Variants in TRPC4 observed in about 807,000 individuals in gnomAD.
The protein encoded by TRPC4 is short transient receptor potential channel 4.
In TRPC4, 49 loss-of-function variants were observed where a neutral mutation model predicts 99.4. The ratio of observed to expected loss-of-function variants is 0.49; its 90% CI spans 0.39 to 0.63. The LOEUF (loss-of-function observed/expected upper bound fraction) is 0.63, where lower values mean the gene tolerates loss of function less well. TRPC4 is among the 20% of genes least tolerant of loss of function. TRPC4 has a pLI of 0.00. For missense variants in TRPC4, 898 were observed against 1,152.9 expected (o/e 0.78, Z 3.20); for synonymous variants, 454 against 425.9 (o/e 1.07, Z -0.81).
intron 3 of TRPC4, among the ~76,000 whole-genome samples, chr13:37,736,579 T>C (rs1265265847): frequency 2.0e-5 from 3 of 152,158 alleles, no homozygotes; most frequent in Non-Finnish European, 4.4e-5. Context: ...GTATGTACTA[T>C]ACAATGTAAG....
chr13:37,824,442 T>A (rs1958134467), intron 1 of TRPC4, among the ~76,000 whole-genome samples: 1 of 152,024 alleles, frequency 6.6e-6, no homozygotes, highest in South Asian at 2.1e-4. Context: ...TTTGAAATAC[T>A]TCCCATCAAT....
intron 2 of TRPC4, among the ~76,000 whole-genome samples, chr13:37,767,614 C>G: frequency 6.6e-6 from 1 of 151,266 alleles, no homozygotes; most frequent in East Asian, 2.0e-4. Flanking sequence ...AATTTCTTAA[C>G]AAAGGTGTTA....
intron 3 of TRPC4, among the ~76,000 whole-genome samples, chr13:37,694,658 T>C (rs923728351): frequency 6.6e-6 from 1 of 152,214 alleles, no homozygotes; most frequent in African/African-American, 2.4e-5. Flanking sequence ...GTACTTTTTC[T>C]TTCTTTAGTT....
At chr13:37,693,023 T>A (rs9646098) in intron 3 of TRPC4, among the ~76,000 whole-genome samples, 1 of 152,046 alleles carries the variant, frequency 6.6e-6, no homozygotes, top group Non-Finnish European at 1.5e-5. Flanking sequence ...CATGGCATCA[T>A]TCTATCCTGA....
chr13:37,756,567 C>T (rs530684310), intron 2 of TRPC4, among the ~76,000 whole-genome samples: 155 of 148,210 alleles, frequency 1.0e-3, no homozygotes, highest in Non-Finnish European at 1.9e-3. Flanking sequence ...GAGTCTTGCC[C>T]TGTCACCCAG....
intron 1 of TRPC4, among the ~76,000 whole-genome samples, chr13:37,831,189 T>C (rs890704393): frequency 6.6e-6 from 1 of 152,038 alleles, no homozygotes; most frequent in Non-Finnish European, 1.5e-5. Flanking sequence ...CATTCAATAA[T>C]AGGAAAACAA....
intron 1 of TRPC4, among the ~76,000 whole-genome samples, chr13:37,830,636 T>C (rs993894217): frequency 2.6e-5 from 4 of 151,348 alleles, no homozygotes; most frequent in African/African-American, 9.7e-5. Flanking sequence ...CACTTGAACC[T>C]GGGAGGCAGA....
rs73184532 is a variant in TRPC4 at position 37,636,007 on chromosome 13, G to T, written c.*896C>A. Among the ~76,000 whole-genome samples, 13,071 of 151,978 alleles carry T rather than the reference G, an allele frequency of 0.086. 785 individuals are homozygous for T. The highest frequency in any genetic ancestry group is 0.17 in the Middle Eastern group (50 of 290). ...ATTCAACTTTACTTAGATTTAGATT[G>T]TTAGAATAAATTCATTTTCATTTGG... On this transcript the variant is annotated 3_prime_UTR_variant, in exon 11 of 11. Transcript: ENST00000379705.
intron 4 of TRPC4, among the ~76,000 whole-genome samples, chr13:37,677,339 A>G (rs1953095400): frequency 6.6e-6 from 1 of 152,116 alleles, no homozygotes; most frequent in Admixed American, 6.5e-5. Flanking sequence ...GTTTACCCAT[A>G]TCATAATTAT....
chr13:37,698,271 C>T (rs1302086070), intron 3 of TRPC4, among the ~76,000 whole-genome samples: 1 of 148,862 alleles, frequency 6.7e-6, no homozygotes, highest in Non-Finnish European at 1.5e-5. Flanking sequence ...TGCCATTCTC[C>T]TGTCTCAGCC....
intron 4 of TRPC4, among the ~76,000 whole-genome samples, chr13:37,687,527 A>G (rs944543302): frequency 6.6e-6 from 1 of 152,208 alleles, no homozygotes; most frequent in African/African-American, 2.4e-5. Flanking sequence ...TCAGAAACAA[A>G]TGCCTCTCTT....
intron 1 of TRPC4, among the ~76,000 whole-genome samples, chr13:37,843,397 A>G (rs79517739): frequency 6.6e-6 from 1 of 152,292 alleles, no homozygotes; most frequent in Non-Finnish European, 1.5e-5. Flanking sequence ...AGCTATTTGG[A>G]ATTACAGAAT....
chr13:37,693,905 C>T (rs1484944116), intron 3 of TRPC4, among the ~76,000 whole-genome samples: 4 of 152,054 alleles, frequency 2.6e-5, no homozygotes, highest in Non-Finnish European at 1.5e-5. Context: ...GGGGGACTAT[C>T]CTCATTATCT....
chr13:37,710,715 A>T (rs1954454916), intron 3 of TRPC4, among the ~76,000 whole-genome samples: 2 of 151,866 alleles, frequency 1.3e-5, no homozygotes, highest in Non-Finnish European at 2.9e-5. Context: ...TTAGCTGATG[A>T]TCTTCTTTAT....
At chr13:37,697,354 C>T (rs1295477506) in intron 3 of TRPC4, among the ~76,000 whole-genome samples, 4 of 151,880 alleles carry the variant, frequency 2.6e-5, no homozygotes, top group Admixed American at 2.0e-4. Context: ...AGAGTATGTC[C>T]GACATGAAAT....
intron 1 of TRPC4, among the ~76,000 whole-genome samples, chr13:37,805,791 TC>T (rs1284888070): frequency 2.6e-5 from 4 of 152,062 alleles, no homozygotes; most frequent in Admixed American, 2.6e-4. Context: ...TATTAACTGA[TC>T]TAATGTCAAC....
In TRPC4 at chr13:37,635,756, A is replaced by G. The variant is rs1951497004; in HGVS notation, c.*1147T>C. Among the ~76,000 whole-genome samples the G allele has an allele frequency of 6.6e-6, 1 of 152,142 alleles. No individual in the cohort carries two copies. Among genetic ancestry groups the G allele is most frequent in the Non-Finnish European group, 1.5e-5 (1 of 68,000 alleles). On this transcript the variant is annotated 3_prime_UTR_variant, in exon 11 of 11. Transcript: ENST00000379705. ...CCTTGTAATAGTTCAGTGAATTGTT[A>G]TAAGCTAAATTACCTTGCAAACAAT...
At chr13:37,766,022 T>A (rs778837889) in intron 2 of TRPC4, among the ~76,000 whole-genome samples, 1 of 151,416 alleles carries the variant, frequency 6.6e-6, no homozygotes, top group Non-Finnish European at 1.5e-5. Flanking sequence ...GTTTAAAGCA[T>A]GCAGCACATG....
intron 8 of TRPC4, among the ~76,000 whole-genome samples, chr13:37,647,721 T>C (rs1951893878): frequency 6.6e-6 from 1 of 152,228 alleles, no homozygotes; most frequent in South Asian, 2.1e-4. Flanking sequence ...TGTGCTAGTT[T>C]CACAAAGTGA....
Sources: allele counts gnomAD v4.1 joint callset (sites outside exome capture counted in the v4.1 genomes callset), GRCh38; gene constraint gnomAD v4.1.1; transcripts MANE v1.5; gene names NCBI Gene and HGNC (gene_info 2026-07-23, HGNC 2026-07-21).